The following FAM170A variants were observed in gnomAD, a reference collection of about 807,000 sequenced individuals.
FAM170A encodes family with sequence similarity 170 member A, also known as protein FAM170A.
FAM170A carries 28 observed loss-of-function variants against 36.6 expected under a neutral mutation model. That is an observed-to-expected ratio of 0.76 (90% confidence interval 0.57 to 1.05). The LOEUF (loss-of-function observed/expected upper bound fraction) is 1.05, where lower values mean the gene tolerates loss of function less well. Ranked by LOEUF, FAM170A falls within the 50% of genes least tolerant of loss-of-function variation. The pLI, the probability that FAM170A is intolerant of heterozygous loss-of-function variation, is 0.00. For synonymous variants in FAM170A, 156 were observed against 143.9 expected, an observed-to-expected ratio of 1.08 and a Z score of -0.60; for missense variants, 434 against 396.5, an observed-to-expected ratio of 1.09 and a Z score of -0.80.
exon 1 of FAM170A, chr5:119,629,664 C>T (rs1196899119): frequency 1.2e-5 from 10 of 860,344 alleles, no homozygotes; most frequent in East Asian, 2.7e-5. Flanking sequence ...TTTACTCGTA[C>T]TGAATCTTTT....
exon 3 of FAM170A, chr5:119,634,403 G>T (rs979342806): frequency 6.2e-7 from 1 of 1,614,016 alleles, no homozygotes; most frequent in African/African-American, 1.3e-5. Flanking sequence ...CAAGACTCCT[G>T]ACTGGCTGGT....
intron 1 of FAM170A, among the ~76,000 whole-genome samples, chr5:119,630,700 G>A (rs758195408): frequency 1.3e-5 from 2 of 152,152 alleles, no homozygotes; most frequent in Non-Finnish European, 2.9e-5. Flanking sequence ...TCTCAGGCAG[G>A]CGGGGGACCC....
intron 4 of FAM170A, 114 bp from the exon 5 acceptor site, chr5:119,635,586 T>G (rs1383228833): frequency 6.4e-6 from 1 of 155,754 alleles, no homozygotes; most frequent in East Asian, 1.9e-4. Context: ...ATGAACTCAC[T>G]GTGGGTTGCA....
intron 3 of FAM170A, 100 bp downstream of exon 3, chr5:119,634,834 TG>T: frequency 7.4e-7 from 1 of 1,351,230 alleles, no homozygotes; most frequent in East Asian, 2.3e-5. Context: ...AAGGAAGATT[TG>T]GGGGCTTTAT....
chr5:119,634,068 A>G lies in FAM170A; in HGVS notation c.320A>G (p.Tyr107Cys), dbSNP rs188245610. ...TCACAACATGTCTCCTTGTCGTCCT[A>G]TTCATCCTATAAGACTTGTGTGTCC... Residue 107 changes from tyrosine (Y) to cysteine (C), a missense_variant, in exon 3 of 5, where the codon TAT becomes TGT. By Grantham distance (194) the Tyr-to-Cys change is radical. Transcript: ENST00000613773. The G allele has an allele frequency of 2.2e-5, 35 of 1,614,146 alleles. No homozygotes were observed. In the Middle Eastern group the frequency reaches 4.9e-4, roughly 23 times the overall value.
chr5:119,633,029 G>T, intron 2 of FAM170A, 141 bp downstream of exon 2: 1 of 919,028 alleles, frequency 1.1e-6, no homozygotes, highest in Non-Finnish European at 1.5e-6. Context: ...TTGGGAGTGG[G>T]GCTTTTTGGG....
Position 119,634,802 on chromosome 5 carries a change from C to G in FAM170A, c.986+68C>G, listed in dbSNP as rs942207463. The G allele has an allele frequency of 2.8e-6, 4 of 1,454,280 alleles. No individual in the cohort carries two copies. In the East Asian group the frequency reaches 9.1e-5, roughly 33 times the overall value. The allele number at this position is 1,454,280 out of a possible 1,614,324, so 90.1% of individuals were successfully genotyped here. A position where few individuals can be genotyped will look rare whatever the true frequency, so the allele number is the denominator to read the frequency against. On this transcript the variant is annotated intron_variant, in intron 3 of 4. Coordinates refer to ENST00000613773, the Ensembl canonical transcript of FAM170A. Reference sequence around the variant, plus strand: ...CTTCCCCGAGCCAGTACTGTCTCCCCAGTTCAGGCTTAGGTCTCTGTAAGG... The same window carrying G: ...CTTCCCCGAGCCAGTACTGTCTCCCGAGTTCAGGCTTAGGTCTCTGTAAGG...
chr5:119,633,875 C>G lies in FAM170A; in HGVS notation c.212-85C>G, dbSNP rs1321015896. On this transcript the variant is annotated intron_variant, in intron 2 of 4. Coordinates refer to ENST00000613773, the Ensembl canonical transcript of FAM170A. ...CTGCATCTCACCACAGTCCCTGTCT[C>G]CTGCACCACACATATTTAACTTACG... The G allele has an allele frequency of 7.3e-6, 11 of 1,515,770 alleles. No individual in the cohort carries two copies. In the East Asian group the frequency reaches 2.5e-4, roughly 34 times the overall value. 93.9% of individuals were successfully genotyped at this position (1,515,770 alleles called of 1,614,324 possible). A position where few individuals can be genotyped will look rare whatever the true frequency, so the allele number is the denominator to read the frequency against.
rs185827787 is a variant in FAM170A at position 119,629,844 on chromosome 5, T to A, written c.70+6T>A. On this transcript the variant is annotated splice_donor_region_variant and intron_variant, in intron 1 of 4. Coordinates refer to ENST00000613773, the Ensembl canonical transcript of FAM170A. ...AACCGCTGAGAAGGGAGGAGGTATGTGCGGGGCAAACTTTCTGGGGCACAA... is the reference window on the plus strand; with the variant it reads ...AACCGCTGAGAAGGGAGGAGGTATGAGCGGGGCAAACTTTCTGGGGCACAA... 1 of 1,611,414 alleles carries A rather than the reference T, an allele frequency of 6.2e-7. No individual in the cohort carries two copies. The highest frequency in any genetic ancestry group is 2.2e-5 in the East Asian group (1 of 44,836).
At chr5:119,633,159 C>G (rs190975866) in intron 2 of FAM170A, among the ~76,000 whole-genome samples, 20 of 152,100 alleles carry the variant, frequency 1.3e-4, no homozygotes, top group Admixed American at 9.8e-4. Flanking sequence ...GTATGTGACT[C>G]TTTGGGTGCT....
intron 2 of FAM170A, among the ~76,000 whole-genome samples, chr5:119,633,373 C>G (rs1408855207): frequency 2.0e-5 from 3 of 152,108 alleles, no homozygotes; most frequent in African/African-American, 7.2e-5. Flanking sequence ...GGTGTGCAGT[C>G]AGGCAGTCAG....
exon 1 of FAM170A, chr5:119,629,704 C>G: frequency 8.0e-7 from 1 of 1,245,048 alleles, no homozygotes; most frequent in East Asian, 2.4e-5. Context: ...CAAGAAGGGC[C>G]AATCTACAGG....
At chr5:119,633,596 C>T (rs750150643) in intron 2 of FAM170A, among the ~76,000 whole-genome samples, 10 of 152,086 alleles carry the variant, frequency 6.6e-5, no homozygotes, top group East Asian at 1.9e-4. Context: ...TCTGCACACA[C>T]ACCACCCAAA....
intron 1 of FAM170A, among the ~76,000 whole-genome samples, chr5:119,632,400 G>A (rs1470705004): frequency 6.6e-6 from 1 of 152,076 alleles, no homozygotes; most frequent in Non-Finnish European, 1.5e-5. Context: ...ATAATTTCAG[G>A]GTTGTAAACA....
At position 119,629,930 on chromosome 5, in the gene FAM170A, C is replaced by T. The variant is rs555945831; in HGVS notation, c.70+92C>T. On this transcript the variant is annotated intron_variant, in intron 1 of 4. Transcript: ENST00000613773. ...TTTTTGAGACGGAGTCTCGCTCTAT[C>T]GCCCAGGCTGGAGTGCAGTGGCGCG... The T allele has an allele frequency of 1.4e-3, 1,322 of 964,840 alleles. 2 individuals carry two copies. Among genetic ancestry groups the T allele is most frequent in the Admixed American group, 1.9e-3 (98 of 51,568 alleles). 59.8% of individuals were successfully genotyped at this position (964,840 alleles called of 1,614,324 possible).
At chr5:119,632,455 A>G (rs1561523863) in intron 1 of FAM170A, among the ~76,000 whole-genome samples, 1 of 151,946 alleles carries the variant, frequency 6.6e-6, no homozygotes, top group Non-Finnish European at 1.5e-5. Context: ...ACATGTTTCT[A>G]CAATATACCC....
intron 2 of FAM170A, 125 bp downstream of exon 2, chr5:119,633,013 G>T: frequency 9.0e-7 from 1 of 1,116,538 alleles, no homozygotes. Context: ...TTGGGTGTAA[G>T]ACTCTTTGGG....
At chr5:119,633,129 C>T (rs1418877071) in intron 2 of FAM170A, among the ~76,000 whole-genome samples, 1 of 152,016 alleles carries the variant, frequency 6.6e-6, no homozygotes, top group Admixed American at 6.5e-5. Context: ...GCATGAGACT[C>T]TGGATGCAGG....
Position 119,634,740 on chromosome 5 carries a change from C to G in FAM170A, c.986+6C>G. 6.5e-7 allele frequency: 1 copy of G among 1,530,466 alleles called. No homozygotes were observed. Among genetic ancestry groups the G allele is most frequent in the Non-Finnish European group, 8.8e-7 (1 of 1,141,382 alleles). 94.8% of individuals were successfully genotyped at this position (1,530,466 alleles called of 1,614,324 possible). ...CATTCTCCAAAGGACAGGAAGTGAG[C>G]AAAGCCTGGGTTGTGGGTCTGCTGA... On this transcript the variant is annotated splice_donor_region_variant and intron_variant, in intron 3 of 4. Transcript: ENST00000613773.
Sources: allele counts gnomAD v4.1 joint callset (sites outside exome capture counted in the v4.1 genomes callset), GRCh38; gene constraint gnomAD v4.1.1; transcripts MANE v1.5; gene names NCBI Gene and HGNC (gene_info 2026-07-23, HGNC 2026-07-21).